Variants in MYO1E observed in about 807,000 individuals in gnomAD.
The protein encoded by MYO1E is myosin IE, also known as unconventional myosin-Ie.
Under a neutral mutation model 151.1 loss-of-function variants are expected in MYO1E, and 68 were observed. That is an observed-to-expected ratio of 0.45 (90% CI 0.37 to 0.55). The LOEUF is 0.55. Ranked by LOEUF, MYO1E falls within the 20% of genes least tolerant of loss-of-function variation. The pLI is 0.00. For synonymous variants in MYO1E, 601 were observed against 501.7 expected, an observed-to-expected ratio of 1.20 and a Z score of -2.64; for missense variants, 1,363 against 1,389.3, an observed-to-expected ratio of 0.98 and a Z score of 0.30.
At chr15:59,356,191 T>C (rs537086724) in intron 1 of MYO1E, among the ~76,000 whole-genome samples, 49 of 152,306 alleles carry the variant, frequency 3.2e-4, no homozygotes, top group Admixed American at 2.4e-3. Context: ...TGACTGCAGA[T>C]TGCTTTCTAC....
At chr15:59,219,231 T>C (rs4775131) in intron 9 of MYO1E, among the ~76,000 whole-genome samples, 81,580 of 151,992 alleles carry the variant, frequency 0.54, 23,517 homozygotes, top group Non-Finnish European at 0.67. Context: ...AATGGGGTTT[T>C]CTTGATTTCT....
chr15:59,170,472 C>A (rs565848580), intron 22 of MYO1E, among the ~76,000 whole-genome samples: 46 of 152,242 alleles, frequency 3.0e-4, no homozygotes, highest in Admixed American at 9.2e-4. Context: ...AGCCTCAGGG[C>A]CCAGCTAGCC....
intron 4 of MYO1E, among the ~76,000 whole-genome samples, chr15:59,251,742 G>A (rs542500299): frequency 1.3e-5 from 2 of 152,288 alleles, no homozygotes; most frequent in South Asian, 4.1e-4. Flanking sequence ...CCATGTAAAT[G>A]TTTTGCATAA....
At chr15:59,300,880 T>C (rs1487676186) in intron 1 of MYO1E, among the ~76,000 whole-genome samples, 1 of 148,980 alleles carries the variant, frequency 6.7e-6, no homozygotes, top group African/African-American at 2.5e-5. Flanking sequence ...TTTTTTTTTT[T>C]TTTTTGAGAC....
At chr15:59,342,490 T>G (rs561664346) in intron 1 of MYO1E, among the ~76,000 whole-genome samples, 1 of 152,352 alleles carries the variant, frequency 6.6e-6, no homozygotes, top group African/African-American at 2.4e-5. Context: ...TTTAGGTCAT[T>G]CATCCATTTT....
intron 17 of MYO1E, among the ~76,000 whole-genome samples, chr15:59,191,373 A>AGAGAGAGAGAGAGAGAGAAAG: frequency 6.7e-6 from 1 of 149,816 alleles, no homozygotes; most frequent in Non-Finnish European, 1.5e-5. Flanking sequence ...AGAGAGAAAG[A>AGAGAGAGAGAGAGAGAGAAAG]AATGTCATGT....
At chr15:59,332,331 A>G (rs188994452) in intron 1 of MYO1E, among the ~76,000 whole-genome samples, 1 of 152,340 alleles carries the variant, frequency 6.6e-6, no homozygotes, top group Admixed American at 6.5e-5. Context: ...TGCCGATTTA[A>G]CGGGAAGGAA....
intron 1 of MYO1E, among the ~76,000 whole-genome samples, chr15:59,301,808 C>G (rs1190846780): frequency 6.6e-6 from 1 of 152,182 alleles, no homozygotes; most frequent in Non-Finnish European, 1.5e-5. Flanking sequence ...TGTTTCCAAC[C>G]TCACAGGGTT....
chr15:59,295,759 C>T (rs1407597078), intron 1 of MYO1E, among the ~76,000 whole-genome samples: 3 of 152,150 alleles, frequency 2.0e-5, no homozygotes, highest in Non-Finnish European at 4.4e-5. Context: ...AAATTCCCCT[C>T]CTGCTTTGGA....
At chr15:59,196,503 A>G (rs139535690) in intron 16 of MYO1E, among the ~76,000 whole-genome samples, 10 of 152,338 alleles carry the variant, frequency 6.6e-5, no homozygotes, top group African/African-American at 2.2e-4. Flanking sequence ...TCTAAAAGAA[A>G]AAAAGCCAAA....
At chr15:59,306,886 C>T (rs535180878) in intron 1 of MYO1E, among the ~76,000 whole-genome samples, 2 of 152,178 alleles carry the variant, frequency 1.3e-5, no homozygotes, top group Admixed American at 1.3e-4. Context: ...GTGAATGGCC[C>T]TTTGGGTTAT....
At chr15:59,169,898 G>A (rs187293917) in intron 22 of MYO1E, among the ~76,000 whole-genome samples, 13 of 152,136 alleles carry the variant, frequency 8.5e-5, no homozygotes, top group African/African-American at 2.4e-4. Context: ...GGTGGCTCAC[G>A]CCTCTAATCC....
At chr15:59,191,624 G>C (rs2079735211) in intron 17 of MYO1E, among the ~76,000 whole-genome samples, 1 of 152,120 alleles carries the variant, frequency 6.6e-6, no homozygotes, top group South Asian at 2.1e-4. Flanking sequence ...CACATAGGAA[G>C]GAATATTCCT....
chr15:59,225,976 C>T (rs2079988739), intron 7 of MYO1E, among the ~76,000 whole-genome samples: 1 of 152,110 alleles, frequency 6.6e-6, no homozygotes, highest in Non-Finnish European at 1.5e-5. Flanking sequence ...AATCTTGAAC[C>T]CCTGCGCCCA....
At chr15:59,169,962 C>G (rs192878966) in intron 22 of MYO1E, among the ~76,000 whole-genome samples, 1 of 152,072 alleles carries the variant, frequency 6.6e-6, no homozygotes, top group Non-Finnish European at 1.5e-5. Flanking sequence ...GAGTTCAAGA[C>G]GAGCCTGGCC....
At chr15:59,339,581 A>G (rs2080751024) in intron 1 of MYO1E, among the ~76,000 whole-genome samples, 1 of 152,178 alleles carries the variant, frequency 6.6e-6, no homozygotes, top group African/African-American at 2.4e-5. Context: ...CCCATCCCAG[A>G]CATTCTTCAT....
chr15:59,209,220 T>C (rs1167964269), intron 13 of MYO1E, among the ~76,000 whole-genome samples: 1 of 152,208 alleles, frequency 6.6e-6, no homozygotes. Flanking sequence ...GTGTTACCCA[T>C]ATAGGCATCA....
At chr15:59,259,560 A>G (rs1319571144) in intron 3 of MYO1E, among the ~76,000 whole-genome samples, 1 of 152,156 alleles carries the variant, frequency 6.6e-6, no homozygotes, top group Non-Finnish European at 1.5e-5. Flanking sequence ...AAGTGCACAA[A>G]CAACATTAAT....
intron 26 of MYO1E, among the ~76,000 whole-genome samples, chr15:59,152,998 T>C (rs1418710183): frequency 1.3e-5 from 2 of 152,222 alleles, no homozygotes; most frequent in Non-Finnish European, 2.9e-5. Flanking sequence ...CCACAGGACA[T>C]GTCTTAACCC....
Sources: gnomAD v4.1 joint callset for allele counts (sites outside exome capture counted in the v4.1 genomes callset) on GRCh38, gnomAD v4.1.1 for gene constraint, MANE v1.5 for transcripts, NCBI Gene and HGNC (gene_info 2026-07-23, HGNC 2026-07-21) for gene names.